PARD3B: variants seen among roughly 807,000 people sequenced by gnomAD.
PARD3B encodes the protein partitioning defective 3 homolog B.
PARD3B carries 103 observed loss-of-function variants against 130.2 expected under a neutral mutation model. That is an observed-to-expected ratio of 0.79 (90% CI 0.67 to 0.93). The LOEUF (loss-of-function observed/expected upper bound fraction) is 0.93. Ranked by LOEUF, PARD3B falls within the 40% of genes least tolerant of loss-of-function variation. PARD3B has a pLI of 0.00. For synonymous variants in PARD3B, 583 were observed against 553.2 expected (o/e 1.05, Z -0.76); for missense variants, 1,609 against 1,499.2 (o/e 1.07, Z -1.21).
intron 11 of PARD3B, among the ~76,000 whole-genome samples, chr2:205,170,483 T>C (rs565763005): frequency 7.9e-4 from 120 of 152,302 alleles, no homozygotes; most frequent in African/African-American, 2.4e-3. Context: ...CCCATTACCC[T>C]GCCATCTCCA....
intron 2 of PARD3B, among the ~76,000 whole-genome samples, chr2:204,883,879 A>T (rs2125675836): frequency 6.6e-6 from 1 of 152,068 alleles, no homozygotes; most frequent in Non-Finnish European, 1.5e-5. Context: ...CTGGGATTAC[A>T]GGTGCGTGCC....
chr2:204,612,722 A>G (rs940339149), intron 1 of PARD3B, among the ~76,000 whole-genome samples: 1 of 152,160 alleles, frequency 6.6e-6, no homozygotes, highest in Non-Finnish European at 1.5e-5. Flanking sequence ...AAGGTTTTTA[A>G]CAAATATCAG....
intron 2 of PARD3B, among the ~76,000 whole-genome samples, chr2:204,749,205 A>T (rs1384154037): frequency 6.6e-6 from 1 of 152,066 alleles, no homozygotes; most frequent in Non-Finnish European, 1.5e-5. Flanking sequence ...AAAATGGATA[A>T]TTTCTTGATT....
In PARD3B at chr2:205,118,944, G is replaced by A; in HGVS notation, c.704G>A (p.Gly235Asp). The change falls in exon 7 of 23, where the codon GGC becomes GAC. Residue 235 changes from glycine (G) to aspartate (D), a missense_variant. Coordinates refer to ENST00000406610, the MANE Select transcript of PARD3B (RefSeq NM_001302769.2). ...AGGATTCTAGGACTCTTCATCCGAG[G>A]CATTGAAGACAACAGCAGGTCCAAG... ...SGRILGLFIR[G>D]IEDNSRSKRE... The A allele has an allele frequency of 6.2e-7, 1 of 1,605,476 alleles. No homozygotes were observed. The highest frequency in any genetic ancestry group is 8.5e-7 in the Non-Finnish European group (1 of 1,176,346).
At chr2:205,075,618 A>C (rs1024395369) in intron 4 of PARD3B, among the ~76,000 whole-genome samples, 1 of 151,700 alleles carries the variant, frequency 6.6e-6, no homozygotes, top group African/African-American at 2.4e-5. Flanking sequence ...ATTTCTTCAT[A>C]AGAAATAGTT....
At position 204,646,237 on chromosome 2, in the gene PARD3B, C is replaced by T. The variant is rs112530421; in HGVS notation, c.121-39944C>T. Among the ~76,000 whole-genome samples, 932 of 152,212 alleles carry T rather than the reference C, an allele frequency of 6.1e-3. 8 individuals are homozygous for T. Among genetic ancestry groups the T allele is most frequent in the Middle Eastern group, 0.027 (8 of 294 alleles). On this transcript the variant is annotated intron_variant, in intron 1 of 22. Coordinates refer to ENST00000406610, the MANE Select transcript of PARD3B (RefSeq NM_001302769.2). ...GTTGCTTGCACCCCAGAAGTTCTCA[C>T]GTGCCACTGCTGAAACACTTTTCCC...
chr2:205,269,398 T>C lies in PARD3B; in HGVS notation c.2185+23576T>C, dbSNP rs2040632067. 6.6e-6 allele frequency among the ~76,000 whole-genome samples: 1 copy of C among 152,188 alleles called. No homozygotes were observed. Among genetic ancestry groups the C allele is most frequent in the African/African-American group, 2.4e-5 (1 of 41,442 alleles). On this transcript the variant is annotated intron_variant, in intron 16 of 22. Transcript: ENST00000406610. This position sits in a 1 kb window ranked among gnomAD's most constrained non-coding sequence, Gnocchi z 4.7. ...TTTTACTAGTGACATCATTCATTCATGATAAAGGAAACAAGGAGGCTTTTT... is the reference window on the plus strand; with the variant it reads ...TTTTACTAGTGACATCATTCATTCACGATAAAGGAAACAAGGAGGCTTTTT...
intron 18 of PARD3B, among the ~76,000 whole-genome samples, chr2:205,310,602 G>C (rs1049536162): frequency 1.3e-5 from 2 of 151,646 alleles, no homozygotes; most frequent in Non-Finnish European, 2.9e-5. Context: ...TTGTCTTTCT[G>C]TGTCTGGCTT....
intron 16 of PARD3B, among the ~76,000 whole-genome samples, chr2:205,296,538 G>A (rs1046935168): frequency 6.6e-6 from 1 of 152,122 alleles, no homozygotes; most frequent in Non-Finnish European, 1.5e-5. Context: ...CAGTTTCATA[G>A]TGGCACCTCT....
chr2:204,904,562 G>GA (rs1246601461), intron 2 of PARD3B, among the ~76,000 whole-genome samples: 2 of 151,856 alleles, frequency 1.3e-5, no homozygotes, highest in East Asian at 1.9e-4. Flanking sequence ...AATTAAAAAT[G>GA]AAAAAAATTA....
chr2:205,142,782 G>T lies in PARD3B; in HGVS notation c.1435-15940G>T, dbSNP rs753332981. On this transcript the variant is annotated intron_variant, in intron 10 of 22. Transcript: ENST00000406610. The surrounding 1 kb of genome is among the most constrained non-coding windows in gnomAD (Gnocchi z 4.3). ...AATCCCAGCTACTCAGGAAGCTGAC[G>T]CAGGAGAATCGTTTGAACCCGGGAG... Among the ~76,000 whole-genome samples, 2 of 152,094 alleles carry T rather than the reference G, an allele frequency of 1.3e-5. No homozygotes were observed. Among genetic ancestry groups the T allele is most frequent in the Admixed American group, 1.3e-4 (2 of 15,256 alleles).
At position 205,281,644 on chromosome 2, in the gene PARD3B, T is replaced by C. The variant is rs899333265; in HGVS notation, c.2186-18886T>C. Reference sequence around the variant, plus strand: ...AATATAGTAAAAACTTTCCAGAATGTCAGTACTTTACTTTTCTAAGACACT... The same window carrying C: ...AATATAGTAAAAACTTTCCAGAATGCCAGTACTTTACTTTTCTAAGACACT... On this transcript the variant is annotated intron_variant, in intron 16 of 22. Transcript: ENST00000406610. The surrounding 1 kb of genome is among the most constrained non-coding windows in gnomAD (Gnocchi z 4.2). Among the ~76,000 whole-genome samples the C allele has an allele frequency of 6.6e-6, 1 of 152,186 alleles. No homozygotes were observed. The highest frequency in any genetic ancestry group is 2.1e-4 in the South Asian group (1 of 4,836).
Position 205,113,457 on chromosome 2 carries a change from C to T in PARD3B, c.594-34C>T, listed in dbSNP as rs764212293. The T allele has an allele frequency of 8.7e-6, 13 of 1,492,428 alleles. No individual in the cohort carries two copies. The East Asian group carries it at 1.4e-4, about 16-fold the overall frequency. 92.4% of individuals were successfully genotyped at this position (1,492,428 alleles called of 1,614,324 possible). A position where few individuals can be genotyped will look rare whatever the true frequency, so the allele number is the denominator to read the frequency against. On this transcript the variant is annotated intron_variant, in intron 5 of 22. Transcript: ENST00000406610. ...TGTGCTCCCTCTGTTTTTTAGCAGA[C>T]ACTCATTTGTGCTCTTGTTTTTTTC...
chr2:205,141,902 C>G (rs892899273), intron 10 of PARD3B, among the ~76,000 whole-genome samples: 12 of 152,108 alleles, frequency 7.9e-5, no homozygotes, highest in African/African-American at 2.9e-4. Flanking sequence ...GAACGTGGCA[C>G]ATACTGAGCT....
chr2:204,668,693 C>T (rs1329917970), intron 1 of PARD3B, among the ~76,000 whole-genome samples: 1 of 152,176 alleles, frequency 6.6e-6, no homozygotes, highest in African/African-American at 2.4e-5. Flanking sequence ...AAAGACAATA[C>T]ATTCCGTCCT....
intron 10 of PARD3B, among the ~76,000 whole-genome samples, chr2:205,155,910 G>T (rs150959162): frequency 6.6e-6 from 1 of 151,604 alleles, no homozygotes; most frequent in Non-Finnish European, 1.5e-5. Flanking sequence ...TTTTTTCTTG[G>T]GTAATGTACC....
At chr2:205,113,393 GGT>G (rs3217407) in intron 5 of PARD3B, 96 bp from the exon 6 acceptor site, 57 of 571,598 alleles carry the variant, frequency 1.0e-4, no homozygotes, top group African/African-American at 9.2e-4. Flanking sequence ...CCTGAGCAGG[GGT>G]GTGTGTGTGT....
At chr2:204,742,093 G>C (rs1049434280) in intron 2 of PARD3B, among the ~76,000 whole-genome samples, 2 of 152,124 alleles carry the variant, frequency 1.3e-5, no homozygotes, top group Non-Finnish European at 2.9e-5. Flanking sequence ...ACTGATGCAG[G>C]CTAAGTTTTA....
rs76006384 is a variant in PARD3B at position 205,062,633 on chromosome 2, A to C, written c.504+14943A>C. On this transcript the variant is annotated intron_variant, in intron 4 of 22. Transcript: ENST00000406610. ...TGTGGTAGGTATTTAATAACTGATG[A>C]TTGAATAAATGAAAGAATGCATAAA... Among the ~76,000 whole-genome samples the C allele has an allele frequency of 3.7e-4, 56 of 152,294 alleles. No homozygotes were observed. In the East Asian group the frequency reaches 9.8e-3, roughly 27 times the overall value.
Sources: allele counts gnomAD v4.1 joint callset (sites outside exome capture counted in the v4.1 genomes callset), GRCh38; gene constraint gnomAD v4.1.1; non-coding constraint Gnocchi (gnomAD v3.1); transcripts MANE v1.5; gene names NCBI Gene and HGNC (gene_info 2026-07-23, HGNC 2026-07-21).